GRAMD2A: variants seen among roughly 807,000 people sequenced by gnomAD.
The protein encoded by GRAMD2A is GRAM domain containing 2A.
Under a neutral mutation model 51.1 loss-of-function variants are expected in GRAMD2A, and 37 were observed. That is an observed-to-expected ratio of 0.72 (90% confidence interval 0.56 to 0.95). The LOEUF is 0.95. Among genes scored for constraint, GRAMD2A ranks in the 40% least tolerant of loss-of-function variants. The pLI is 0.00. For synonymous variants in GRAMD2A, 136 were observed against 157.1 expected (o/e 0.87, Z 1.01); for missense variants, 414 against 426.9 (o/e 0.97, Z 0.27).
intron 1 of GRAMD2A, among the ~76,000 whole-genome samples, chr15:72,195,288 C>T (rs142557576): frequency 1.4e-4 from 22 of 152,280 alleles, no homozygotes; most frequent in African/African-American, 5.1e-4. Context: ...GCCCAGAAAG[C>T]GGAAGTGACT....
rs554671841 is a variant in GRAMD2A, at chr15:72,166,670, C to T, written c.505G>A (p.Val169Ile). ...CAGACTCTCCTCAGCAGGTCATATACACTGTCCCGGGAGAGCAGTGACACA... is the reference window on the plus strand; with the variant it reads ...CAGACTCTCCTCAGCAGGTCATATATACTGTCCCGGGAGAGCAGTGACACA... ...IFVSLLSRDS[V>I]YDLLRRVCTH... The change falls in exon 7 of 12, where the codon GTA (valine) becomes ATA (isoleucine). Residue 169 changes from valine (V) to isoleucine (I), a missense_variant. Physicochemically the swap from Val to Ile is conservative, Grantham distance 29. Coordinates refer to ENST00000309731, the MANE Select transcript of GRAMD2A (RefSeq NM_001012642.3). The surrounding 1 kb of genome is among the most constrained non-coding windows in gnomAD (Gnocchi z 4.1). 2 of 1,613,916 alleles carry T rather than the reference C, an allele frequency of 1.2e-6. No homozygotes were observed. Among genetic ancestry groups the T allele is most frequent in the Admixed American group, 3.3e-5 (2 of 60,024 alleles).
intron 1 of GRAMD2A, among the ~76,000 whole-genome samples, chr15:72,187,575 G>A (rs2081742447): frequency 6.6e-6 from 1 of 152,148 alleles, no homozygotes; most frequent in Admixed American, 6.5e-5. Flanking sequence ...GTGCAGTGGT[G>A]TGATATAAAC....
intron 2 of GRAMD2A, 43 bp from the exon 3 acceptor site, chr15:72,169,039 C>A: frequency 1.9e-6 from 3 of 1,574,854 alleles, no homozygotes; most frequent in South Asian, 1.1e-5. Context: ...GAACCCCAGT[C>A]CTGCCCATGC....
chr15:72,182,509 T>C (rs534335289), intron 1 of GRAMD2A, among the ~76,000 whole-genome samples: 3 of 151,178 alleles, frequency 2.0e-5, no homozygotes, highest in Admixed American at 2.0e-4. Context: ...AAAAAACAGA[T>C]AAATTGGATC....
At chr15:72,193,621 C>G (rs2081784342) in intron 1 of GRAMD2A, among the ~76,000 whole-genome samples, 1 of 152,042 alleles carries the variant, frequency 6.6e-6, no homozygotes, top group African/African-American at 2.4e-5. Context: ...CTCCCAGGTT[C>G]ACGCCAGTCT....
intron 1 of GRAMD2A, among the ~76,000 whole-genome samples, chr15:72,186,404 A>G (rs1369367725): frequency 6.6e-6 from 1 of 151,324 alleles, no homozygotes; most frequent in Non-Finnish European, 1.5e-5. Flanking sequence ...GGCTCACTGC[A>G]ACCTCCACCT....
At chr15:72,171,110 C>G (rs539855625) in intron 1 of GRAMD2A, among the ~76,000 whole-genome samples, 3 of 152,168 alleles carry the variant, frequency 2.0e-5, no homozygotes, top group Non-Finnish European at 4.4e-5. Flanking sequence ...CAAAATCAGC[C>G]CAGCCATGGC....
intron 1 of GRAMD2A, chr15:72,173,981 A>G (rs2081633599): frequency 6.6e-6 from 1 of 151,150 alleles, no homozygotes; most frequent in African/African-American, 2.4e-5. Flanking sequence ...CACATGATCA[A>G]GAGGATGGTT....
chr15:72,183,193 T>C (rs1220175434), intron 1 of GRAMD2A, among the ~76,000 whole-genome samples: 1 of 151,886 alleles, frequency 6.6e-6, no homozygotes, highest in African/African-American at 2.4e-5. Context: ...TGTTGTTTTT[T>C]TTTTTCTTAA....
At chr15:72,185,103 T>G (rs1249068723) in intron 1 of GRAMD2A, among the ~76,000 whole-genome samples, 4 of 152,112 alleles carry the variant, frequency 2.6e-5, no homozygotes, top group African/African-American at 7.2e-5. Context: ...AAATCAATCG[T>G]TTTCCTGTAG....
At chr15:72,169,790 T>A in intron 2 of GRAMD2A, 57 bp downstream of exon 2, 1 of 1,428,134 alleles carries the variant, frequency 7.0e-7, no homozygotes, top group Non-Finnish European at 9.9e-7. Flanking sequence ...GGTCACTTCC[T>A]GAGGGCTTCC....
intron 1 of GRAMD2A, chr15:72,173,660 G>A (rs1596688190): frequency 6.6e-6 from 1 of 152,168 alleles, no homozygotes; most frequent in African/African-American, 2.4e-5. Flanking sequence ...CAGGTGTAGT[G>A]GCTTATGCCT....
chr15:72,185,203 T>G (rs2081726811), intron 1 of GRAMD2A, among the ~76,000 whole-genome samples: 1 of 151,528 alleles, frequency 6.6e-6, no homozygotes, highest in South Asian at 2.1e-4. Flanking sequence ...TTTTTTTTTT[T>G]TTTTTTTTGA....
intron 1 of GRAMD2A, among the ~76,000 whole-genome samples, chr15:72,190,656 T>G (rs1398560432): frequency 1.3e-5 from 2 of 152,212 alleles, no homozygotes; most frequent in Non-Finnish European, 2.9e-5. Flanking sequence ...AGATTGACAA[T>G]CTAATGTAAA....
chr15:72,178,636 C>A (rs941933107), intron 1 of GRAMD2A, among the ~76,000 whole-genome samples: 2 of 124,940 alleles, frequency 1.6e-5, no homozygotes, highest in Non-Finnish European at 3.1e-5. Context: ...AGTGCAGTGG[C>A]GCAATCTCGG....
chr15:72,194,419 C>G (rs1010382458), intron 1 of GRAMD2A, among the ~76,000 whole-genome samples: 1 of 152,148 alleles, frequency 6.6e-6, no homozygotes, highest in African/African-American at 2.4e-5. Context: ...TTTATTCTTT[C>G]TCCTAAGCTT....
intron 1 of GRAMD2A, among the ~76,000 whole-genome samples, chr15:72,196,635 A>G (rs1429937836): frequency 2.0e-5 from 3 of 152,166 alleles, no homozygotes; most frequent in Non-Finnish European, 4.4e-5. Flanking sequence ...AAGGAGCCAG[A>G]CTTTAGAGCC....
intron 1 of GRAMD2A, among the ~76,000 whole-genome samples, chr15:72,176,299 A>G (rs1450176816): frequency 2.0e-5 from 3 of 152,214 alleles, no homozygotes; most frequent in Non-Finnish European, 4.4e-5. Flanking sequence ...CTGATGCTGA[A>G]GCACAAATCT....
intron 7 of GRAMD2A, 95 bp from the exon 8 acceptor site, chr15:72,165,505 C>A: frequency 8.3e-7 from 1 of 1,212,118 alleles, no homozygotes; most frequent in Non-Finnish European, 1.2e-6. Context: ...AGCTTTACCT[C>A]CAAATAAGCC....
Sources: allele counts gnomAD v4.1 joint callset (sites outside exome capture counted in the v4.1 genomes callset), GRCh38; gene constraint gnomAD v4.1.1; non-coding constraint Gnocchi (gnomAD v3.1); transcripts MANE v1.5; gene names NCBI Gene and HGNC (gene_info 2026-07-23, HGNC 2026-07-21).